Variants in MGAT5 observed in about 807,000 individuals in gnomAD.
MGAT5 encodes alpha-1,6-mannosylglycoprotein 6-beta-N-acetylglucosaminyltransferase.
MGAT5 carries 30 observed loss-of-function variants against 94.3 expected under a neutral mutation model. That is an observed-to-expected ratio of 0.32 (90% CI 0.24 to 0.43). The LOEUF (loss-of-function observed/expected upper bound fraction) is 0.43. MGAT5 is among the 20% of genes least tolerant of loss of function. The probability of loss-of-function intolerance (pLI) is 1.00; values close to 1 mark genes in which losing one functional copy is unlikely to be tolerated. For missense variants in MGAT5, 691 were observed against 905.5 expected (o/e 0.76, Z 3.04); for synonymous variants, 310 against 322.9 (o/e 0.96, Z 0.43).
At chr2:134,297,393 A>G (rs1228699847) in intron 2 of MGAT5, among the ~76,000 whole-genome samples, 1 of 152,150 alleles carries the variant, frequency 6.6e-6, no homozygotes, top group African/African-American at 2.4e-5. Flanking sequence ...ATACCTTGCA[A>G]TTCATTCTGC....
At chr2:134,325,617 A>G (rs1306821769) in intron 4 of MGAT5, among the ~76,000 whole-genome samples, 1 of 152,100 alleles carries the variant, frequency 6.6e-6, no homozygotes, top group East Asian at 1.9e-4. Flanking sequence ...TGCTAATACT[A>G]TTTCACACCT....
chr2:134,394,779 A>C (rs1283365037), intron 10 of MGAT5, among the ~76,000 whole-genome samples: 1 of 152,172 alleles, frequency 6.6e-6, no homozygotes, highest in Non-Finnish European at 1.5e-5. Context: ...GACAACTCTC[A>C]CAGGATGGTC....
chr2:134,299,740 A>T (rs750993228), intron 2 of MGAT5, among the ~76,000 whole-genome samples: 1 of 152,158 alleles, frequency 6.6e-6, no homozygotes, highest in Non-Finnish European at 1.5e-5. Context: ...CAAAAATTTT[A>T]AAAAGTTCCC....
At chr2:134,363,478 C>T (rs1196514790) in intron 10 of MGAT5, among the ~76,000 whole-genome samples, 1 of 152,222 alleles carries the variant, frequency 6.6e-6, no homozygotes, top group Non-Finnish European at 1.5e-5. Flanking sequence ...AGACCTTTGT[C>T]TTTGTTTAGT....
intron 1 of MGAT5, among the ~76,000 whole-genome samples, chr2:134,225,077 CAAAAAAAAA>C (rs1167660901): frequency 1.9e-4 from 13 of 68,216 alleles, no homozygotes; most frequent in African/African-American, 5.8e-4. Context: ...CCCTGTCTCA[CAAAAAAAAA>C]AAAAAAAAAA....
intron 6 of MGAT5, 98 bp from the exon 7 acceptor site, chr2:134,341,492 A>G: frequency 9.8e-7 from 1 of 1,018,176 alleles, no homozygotes; most frequent in Non-Finnish European, 1.4e-6. Flanking sequence ...GTTAGGATGT[A>G]AACATGACTT....
intron 2 of MGAT5, among the ~76,000 whole-genome samples, chr2:134,282,509 G>A (rs1299328807): frequency 6.6e-6 from 1 of 152,190 alleles, no homozygotes; most frequent in Non-Finnish European, 1.5e-5. Context: ...TTACAGCTAA[G>A]CAAAAAGATG....
intron 10 of MGAT5, among the ~76,000 whole-genome samples, chr2:134,388,135 G>A (rs1469233427): frequency 6.6e-6 from 1 of 152,122 alleles, no homozygotes; most frequent in African/African-American, 2.4e-5. Flanking sequence ...AAAAAGTCAA[G>A]GACAATGAAA....
At position 134,178,032 on chromosome 2, in the gene MGAT5, CT is replaced by C. The variant is rs550861753; in HGVS notation, c.-143+57748del. 4.0e-4 allele frequency among the ~76,000 whole-genome samples: 61 copies of C among 151,638 alleles called. 4 individuals carry two copies. The East Asian group carries it at 0.011, about 28-fold the overall frequency. ...TAGCTGTAATATTTGCATAAGTGTG[CT>C]TTTTTTCTTCGTGCAGTGGTGAATT... On this transcript the variant is annotated intron_variant, in intron 1 of 16. Coordinates refer to the MGAT5 transcript ENST00000409645.
intron 2 of MGAT5, among the ~76,000 whole-genome samples, chr2:134,294,601 A>T: frequency 6.6e-6 from 1 of 152,208 alleles, no homozygotes; most frequent in Non-Finnish European, 1.5e-5. Context: ...CCGTCTAATT[A>T]AGAATAAATA....
intron 11 of MGAT5, among the ~76,000 whole-genome samples, chr2:134,405,076 C>T (rs1574029473): frequency 6.6e-6 from 1 of 152,228 alleles, no homozygotes; most frequent in African/African-American, 2.4e-5. Context: ...GAATGTCTCT[C>T]TCAGCTTCGC....
chr2:134,279,583 T>A (rs1573687985), intron 2 of MGAT5, among the ~76,000 whole-genome samples: 1 of 152,190 alleles, frequency 6.6e-6, no homozygotes. Context: ...GGAATAATGT[T>A]CCTCCCCAGC....
intron 1 of MGAT5, among the ~76,000 whole-genome samples, chr2:134,228,896 C>T (rs1397303331): frequency 7.9e-5 from 12 of 152,162 alleles, no homozygotes. Flanking sequence ...TCTCAGTCCC[C>T]CACCTGGTTA....
chr2:134,345,157 A>G (rs1232825740), intron 8 of MGAT5, 93 bp downstream of exon 8: 4 of 1,373,258 alleles, frequency 2.9e-6, no homozygotes, highest in Non-Finnish European at 3.0e-6. Flanking sequence ...ATCAAATAGT[A>G]TCTTTTCAGC....
chr2:134,315,432 G>A (rs1686943068), intron 2 of MGAT5, among the ~76,000 whole-genome samples: 1 of 152,174 alleles, frequency 6.6e-6, no homozygotes, highest in African/African-American at 2.4e-5. Flanking sequence ...AGGAATAATG[G>A]TCATTGCAAA....
chr2:134,157,543 G>A (rs1031985645), intron 1 of MGAT5, among the ~76,000 whole-genome samples: 1 of 152,118 alleles, frequency 6.6e-6, no homozygotes, highest in Admixed American at 6.5e-5. Flanking sequence ...TTTGGCACCA[G>A]GGACTGGTTG....
intron 1 of MGAT5, among the ~76,000 whole-genome samples, chr2:134,151,873 C>A (rs1211241910): frequency 1.4e-5 from 2 of 142,734 alleles, no homozygotes; most frequent in African/African-American, 2.7e-5. Context: ...TGGGACCTCA[C>A]TCACGCCCTG....
chr2:134,334,954 A>G (rs567825986), intron 4 of MGAT5, among the ~76,000 whole-genome samples: 192 of 152,256 alleles, frequency 1.3e-3, no homozygotes, highest in African/African-American at 3.8e-3. Flanking sequence ...CCGTAAGAAG[A>G]TAAGAGAATA....
At chr2:134,170,288 C>T (rs2105110639) in intron 1 of MGAT5, among the ~76,000 whole-genome samples, 1 of 152,314 alleles carries the variant, frequency 6.6e-6, no homozygotes, top group Admixed American at 6.5e-5. Context: ...AAAACCCATT[C>T]CTTCACCTCA....
Sources: allele counts gnomAD v4.1 joint callset (sites outside exome capture counted in the v4.1 genomes callset), GRCh38; gene constraint gnomAD v4.1.1; transcripts MANE v1.5; gene names NCBI Gene and HGNC (gene_info 2026-07-23, HGNC 2026-07-21).